Variants in KCNC2 observed in about 807,000 individuals in gnomAD.
KCNC2 encodes the protein potassium voltage-gated channel subfamily C member 2.
KCNC2 carries 21 observed loss-of-function variants against 44.5 expected under a neutral mutation model. The ratio of observed to expected loss-of-function variants is 0.47; its 90% CI spans 0.33 to 0.68. KCNC2 has a LOEUF of 0.68. Among genes scored for constraint, KCNC2 ranks in the 30% least tolerant of loss-of-function variants. The probability of loss-of-function intolerance (pLI) is 0.01; values close to 1 mark genes in which losing one functional copy is unlikely to be tolerated. For synonymous variants in KCNC2, 391 were observed against 339.1 expected (o/e 1.15, Z -1.68); for missense variants, 589 against 826.2 (o/e 0.71, Z 3.52).
chr12:75,189,204 T>C (rs576510544), intron 2 of KCNC2, among the ~76,000 whole-genome samples: 10 of 152,318 alleles, frequency 6.6e-5, no homozygotes, highest in African/African-American at 2.4e-4. Flanking sequence ...AGCTACTTTG[T>C]AAGAGGGATG....
At chr12:75,047,436 C>A (rs1236476473) in intron 4 of KCNC2, among the ~76,000 whole-genome samples, 1 of 152,034 alleles carries the variant, frequency 6.6e-6, no homozygotes, top group East Asian at 1.9e-4. Context: ...AGATGCTCAT[C>A]CCACAATTTT....
intron 2 of KCNC2, among the ~76,000 whole-genome samples, chr12:75,110,752 A>G (rs967833547): frequency 1.3e-5 from 2 of 152,048 alleles, no homozygotes; most frequent in African/African-American, 4.8e-5. Context: ...CTTTCTACAT[A>G]TATATAACTT....
In KCNC2 at chr12:75,042,943, G is replaced by A. The variant is rs1880076368; in HGVS notation, c.*162C>T. 2 of 1,406,446 alleles carry A rather than the reference G, an allele frequency of 1.4e-6. No homozygotes were observed. Among genetic ancestry groups the A allele is most frequent in the Non-Finnish European group, 1.8e-6 (2 of 1,081,726 alleles). 87.1% of individuals were successfully genotyped at this position (1,406,446 alleles called of 1,614,324 possible). On this transcript the variant is annotated 3_prime_UTR_variant, in exon 5 of 5. Transcript: ENST00000549446. ...TTTAAAGCCTGGGTAAGATTCATTA[G>A]CTACCCAAGTGGCATTTCTGACTTC...
intron 2 of KCNC2, among the ~76,000 whole-genome samples, chr12:75,079,771 T>C (rs1338849300): frequency 6.6e-6 from 1 of 152,126 alleles, no homozygotes; most frequent in Admixed American, 6.5e-5. Context: ...CAATATAAAA[T>C]AACCAAATAA....
chr12:75,162,248 G>A (rs761237854), intron 2 of KCNC2, among the ~76,000 whole-genome samples: 4 of 151,528 alleles, frequency 2.6e-5, no homozygotes, highest in Non-Finnish European at 4.4e-5. Flanking sequence ...AAAATTTATT[G>A]AAAACTCAGT....
intron 2 of KCNC2, among the ~76,000 whole-genome samples, chr12:75,101,908 G>A (rs1379251851): frequency 6.6e-6 from 1 of 151,980 alleles, no homozygotes; most frequent in Admixed American, 6.6e-5. Flanking sequence ...AAATCATCAA[G>A]TTCAAACTGC....
At chr12:75,058,206 C>T (rs1210605614) in intron 2 of KCNC2, among the ~76,000 whole-genome samples, 1 of 151,762 alleles carries the variant, frequency 6.6e-6, no homozygotes, top group African/African-American at 2.4e-5. Flanking sequence ...TTTCATTACA[C>T]TGAAGAAAAT....
intron 2 of KCNC2, among the ~76,000 whole-genome samples, chr12:75,122,310 C>T (rs1356091955): frequency 6.6e-6 from 1 of 152,192 alleles, no homozygotes; most frequent in African/African-American, 2.4e-5. Context: ...TGAGTAGGCA[C>T]TATAATTCCC....
chr12:75,120,394 C>A (rs934479447), intron 2 of KCNC2, among the ~76,000 whole-genome samples: 2 of 152,178 alleles, frequency 1.3e-5, no homozygotes, highest in Non-Finnish European at 2.9e-5. Context: ...ATACCACAAC[C>A]CTATATTCTA....
intron 2 of KCNC2, among the ~76,000 whole-genome samples, chr12:75,199,423 G>T (rs1043952240): frequency 6.6e-6 from 1 of 151,818 alleles, no homozygotes; most frequent in East Asian, 1.9e-4. Flanking sequence ...TCAAGTAATT[G>T]CAGTAATCAT....
intron 2 of KCNC2, among the ~76,000 whole-genome samples, chr12:75,083,462 C>T (rs370376337): frequency 6.6e-6 from 1 of 151,662 alleles, no homozygotes; most frequent in African/African-American, 2.4e-5. Context: ...ATATTAAAGC[C>T]AAAAGAGAAT....
At chr12:75,168,969 G>C (rs1473167610) in intron 2 of KCNC2, among the ~76,000 whole-genome samples, 1 of 151,438 alleles carries the variant, frequency 6.6e-6, no homozygotes, top group Non-Finnish European at 1.5e-5. Flanking sequence ...CTAAGAGAAA[G>C]ATTTTCCTTT....
intron 2 of KCNC2, among the ~76,000 whole-genome samples, chr12:75,084,243 AT>A (rs1884762192): frequency 6.8e-6 from 1 of 147,968 alleles, no homozygotes; most frequent in East Asian, 2.0e-4. Context: ...AGATAGATAG[AT>A]AGATGATGAT....
intron 3 of KCNC2, among the ~76,000 whole-genome samples, chr12:75,049,215 T>C (rs1449824616): frequency 6.6e-6 from 1 of 152,144 alleles, no homozygotes; most frequent in African/African-American, 2.4e-5. Context: ...TCCAGCCACA[T>C]TGTTTTTTCC....
At chr12:75,080,789 C>T (rs1268726207) in intron 2 of KCNC2, among the ~76,000 whole-genome samples, 2 of 152,072 alleles carry the variant, frequency 1.3e-5, no homozygotes, top group Non-Finnish European at 2.9e-5. Context: ...CCGCCCACCA[C>T]ACATTCACAT....
At chr12:75,179,958 T>A (rs1892467689) in intron 2 of KCNC2, among the ~76,000 whole-genome samples, 1 of 151,762 alleles carries the variant, frequency 6.6e-6, no homozygotes, top group African/African-American at 2.4e-5. Flanking sequence ...TTACTGAATA[T>A]CATCTATTTG....
intron 2 of KCNC2, among the ~76,000 whole-genome samples, chr12:75,115,213 C>G (rs757836086): frequency 6.6e-6 from 1 of 152,110 alleles, no homozygotes; most frequent in Admixed American, 6.5e-5. Flanking sequence ...GTGATCTGTA[C>G]CAAATGTCAT....
At chr12:75,115,063 C>T (rs1887558311) in intron 2 of KCNC2, among the ~76,000 whole-genome samples, 1 of 151,928 alleles carries the variant, frequency 6.6e-6, no homozygotes, top group South Asian at 2.1e-4. Flanking sequence ...CTGGGTTTCA[C>T]CGTGTTAGCC....
At chr12:75,116,007 G>A (rs952915523) in intron 2 of KCNC2, among the ~76,000 whole-genome samples, 7 of 152,080 alleles carry the variant, frequency 4.6e-5, no homozygotes, top group East Asian at 1.9e-4. Context: ...GAACAGTGCC[G>A]AATAAATACT....
Sources: allele counts gnomAD v4.1 joint callset (sites outside exome capture counted in the v4.1 genomes callset), GRCh38; gene constraint gnomAD v4.1.1; transcripts MANE v1.5; gene names NCBI Gene and HGNC (gene_info 2026-07-23, HGNC 2026-07-21).